MACROD2: variants seen among roughly 807,000 people sequenced by gnomAD.
MACROD2 encodes mono-ADP ribosylhydrolase 2.
A neutral mutation model predicts 70.4 loss-of-function variants in MACROD2; 36 were observed. The ratio of observed to expected loss-of-function variants is 0.51; its 90% CI spans 0.39 to 0.68. MACROD2 has a LOEUF of 0.68. Ranked by LOEUF, MACROD2 falls within the 30% of genes least tolerant of loss-of-function variation. The probability of loss-of-function intolerance (pLI) is 0.00; values close to 1 mark genes in which losing one functional copy is unlikely to be tolerated. For missense variants in MACROD2, 496 were observed against 538.4 expected (o/e 0.92, Z 0.78); for synonymous variants, 172 against 178.8 (o/e 0.96, Z 0.30).
chr20:14,360,089 C>A (rs1398147533), intron 3 of MACROD2, among the ~76,000 whole-genome samples: 4 of 114,108 alleles, frequency 3.5e-5, no homozygotes, highest in African/African-American at 1.4e-4. Context: ...TTGTGGTTAC[C>A]GGTGGCTTGC....
chr20:15,709,189 CA>C (rs2050586967), intron 8 of MACROD2, among the ~76,000 whole-genome samples: 1 of 152,042 alleles, frequency 6.6e-6, no homozygotes, highest in Admixed American at 6.5e-5. Flanking sequence ...GAGGAACCAC[CA>C]GGGGGCGGTG....
intron 2 of MACROD2, among the ~76,000 whole-genome samples, chr20:14,022,277 ATTAT>A (rs1249962230): frequency 6.6e-6 from 1 of 152,152 alleles, no homozygotes; most frequent in African/African-American, 2.4e-5. Context: ...AGAATAAAGT[ATTAT>A]TTCTTTCAAT....
chr20:14,880,723 A>G lies in MACROD2; in HGVS notation c.418+195764A>G, dbSNP rs568600926. On this transcript the variant is annotated intron_variant, in intron 5 of 17. Coordinates refer to ENST00000684519, the MANE Select transcript of MACROD2 (RefSeq NM_001351661.2). ...AGGAGAGGCCAAAAATTAAAGTTGT[A>G]TAATCAGAGATTTTAAAGACAAACT... is the stretch of plus-strand genomic sequence containing the variant. Among the ~76,000 whole-genome samples the G allele has an allele frequency of 2.0e-5, 3 of 152,352 alleles. 1 individual carries two copies. In the South Asian group the frequency reaches 6.2e-4, roughly 32 times the overall value.
chr20:14,110,234 A>C (rs1184483022), intron 3 of MACROD2, among the ~76,000 whole-genome samples: 2 of 152,006 alleles, frequency 1.3e-5, no homozygotes, highest in African/African-American at 2.4e-5. Flanking sequence ...GTATCTCAAC[A>C]TAATAAAAGC....
intron 7 of MACROD2, among the ~76,000 whole-genome samples, chr20:15,467,046 T>G (rs1405843882): frequency 6.6e-6 from 1 of 152,216 alleles, no homozygotes; most frequent in Non-Finnish European, 1.5e-5. Flanking sequence ...GCTCACCATG[T>G]CCATACAACC....
intron 4 of MACROD2, among the ~76,000 whole-genome samples, chr20:14,499,123 C>G (rs2084888633): frequency 1.3e-5 from 2 of 152,294 alleles, no homozygotes. Flanking sequence ...GCCTTTCAGT[C>G]CTGAGAGAGC....
chr20:14,423,397 G>A (rs1013033830), intron 3 of MACROD2, among the ~76,000 whole-genome samples: 1 of 151,540 alleles, frequency 6.6e-6, no homozygotes, highest in African/African-American at 2.4e-5. Flanking sequence ...CAGGCGGTGG[G>A]GGTGTTTAAG....
At chr20:15,703,450 T>G (rs1600782171) in intron 8 of MACROD2, among the ~76,000 whole-genome samples, 1 of 152,172 alleles carries the variant, frequency 6.6e-6, no homozygotes, top group East Asian at 1.9e-4. Context: ...CCTGGAGGTA[T>G]CTTAACTTAC....
At chr20:15,787,866 C>T (rs1238743356) in intron 8 of MACROD2, among the ~76,000 whole-genome samples, 1 of 152,104 alleles carries the variant, frequency 6.6e-6, no homozygotes, top group Admixed American at 6.5e-5. Context: ...GTATGAAATG[C>T]TGTTTACCAA....
At chr20:15,417,803 G>A (rs1164165029) in intron 6 of MACROD2, among the ~76,000 whole-genome samples, 1 of 151,876 alleles carries the variant, frequency 6.6e-6, no homozygotes, top group Non-Finnish European at 1.5e-5. Context: ...ATACTATAAC[G>A]GAGGATATTT....
intron 2 of MACROD2, among the ~76,000 whole-genome samples, chr20:14,060,666 A>C (rs2053681516): frequency 6.6e-6 from 1 of 152,066 alleles, no homozygotes; most frequent in Non-Finnish European, 1.5e-5. Context: ...TTTTGTTAAC[A>C]GTTTCAGTGC....
chr20:14,648,524 T>C (rs1341933680), intron 4 of MACROD2, among the ~76,000 whole-genome samples: 1 of 152,154 alleles, frequency 6.6e-6, no homozygotes, highest in African/African-American at 2.4e-5. Context: ...TAACAGAAAC[T>C]AGCAGTCCAA....
At chr20:15,980,356 C>G (rs1312441891) in intron 13 of MACROD2, among the ~76,000 whole-genome samples, 1 of 152,148 alleles carries the variant, frequency 6.6e-6, no homozygotes, top group Non-Finnish European at 1.5e-5. Flanking sequence ...TCATTTCCCC[C>G]TTTTGAGACT....
At chr20:15,260,672 C>A (rs1171204058) in intron 6 of MACROD2, among the ~76,000 whole-genome samples, 1 of 151,728 alleles carries the variant, frequency 6.6e-6, no homozygotes, top group Non-Finnish European at 1.5e-5. Flanking sequence ...GTTTTTAGTT[C>A]TTGAAGGAAC....
At chr20:14,120,212 T>TG (rs2054568060) in intron 3 of MACROD2, among the ~76,000 whole-genome samples, 1 of 7,062 alleles carries the variant, frequency 1.4e-4, no homozygotes, top group Non-Finnish European at 3.0e-4. Context: ...AGACTCCGTC[T>TG]CAAAAAAAAA....
At chr20:15,024,819 T>TA (rs1291179300) in intron 5 of MACROD2, among the ~76,000 whole-genome samples, 7 of 152,174 alleles carry the variant, frequency 4.6e-5, no homozygotes, top group African/African-American at 1.4e-4. Context: ...GTGTTGTAGG[T>TA]ATTTTGTTGA....
chr20:14,307,587 T>G (rs1295467590), intron 3 of MACROD2, among the ~76,000 whole-genome samples: 1 of 152,092 alleles, frequency 6.6e-6, no homozygotes, highest in Admixed American at 6.6e-5. Context: ...CAGAGGATCA[T>G]AAAACAGTAA....
At chr20:14,501,725 G>T (rs924244536) in intron 4 of MACROD2, among the ~76,000 whole-genome samples, 2 of 152,038 alleles carry the variant, frequency 1.3e-5, no homozygotes, top group African/African-American at 4.8e-5. Flanking sequence ...AGGAATTAAA[G>T]GTTGTAAAGA....
At chr20:14,315,873 T>C (rs1301357159) in intron 3 of MACROD2, among the ~76,000 whole-genome samples, 2 of 152,266 alleles carry the variant, frequency 1.3e-5, no homozygotes, top group Middle Eastern at 3.4e-3. Context: ...AAGCATGGAG[T>C]AAATATGTAC....
Sources: allele counts gnomAD v4.1 joint callset (sites outside exome capture counted in the v4.1 genomes callset), GRCh38; gene constraint gnomAD v4.1.1; transcripts MANE v1.5; gene names NCBI Gene and HGNC (gene_info 2026-07-23, HGNC 2026-07-21).